DMD: variants seen among roughly 807,000 people sequenced by gnomAD.
DMD encodes the protein dystrophin.
A neutral mutation model predicts 330.1 loss-of-function variants in DMD; 63 were observed. The ratio of observed to expected loss-of-function variants is 0.19; its 90% CI spans 0.16 to 0.24. The LOEUF is 0.24. DMD is among the 10% of genes least tolerant of loss of function. The pLI, the probability that DMD is intolerant of heterozygous loss-of-function variation, is 1.00. For synonymous variants in DMD, 1,223 were observed against 959.8 expected (o/e 1.27, Z -5.07); for missense variants, 3,344 against 2,684.1 (o/e 1.25, Z -5.43).
rs1261363340 is a variant in DMD, at chrX:32,723,607, G to C, written c.650-24314C>G. Among the ~76,000 whole-genome samples the C allele has an allele frequency of 7.2e-5, 8 of 111,388 alleles. No homozygotes were observed. The Admixed American group carries it at 7.7e-4, about 11-fold the overall frequency. ...ATAACTGCTTAGTATGATGACTACA[G>C]TTAATGGCATTGTATTGTACACTGA... is the stretch of plus-strand genomic sequence containing the variant. On this transcript the variant is annotated intron_variant, in intron 7 of 78. Coordinates refer to ENST00000357033, the MANE Select transcript of DMD (RefSeq NM_004006.3).
At chrX:33,226,892 T>C (rs1216212966) in intron 1 of DMD, among the ~76,000 whole-genome samples, 2 of 109,816 alleles carry the variant, frequency 1.8e-5, no homozygotes, top group African/African-American at 3.3e-5. Flanking sequence ...CAAATAAATA[T>C]AAGATAAAAC....
At chrX:31,551,380 G>A (rs2074478124) in intron 55 of DMD, among the ~76,000 whole-genome samples, 1 of 109,968 alleles carries the variant, frequency 9.1e-6, no homozygotes. Flanking sequence ...CTGTCACTTT[G>A]GGCTTGGTCC....
chrX:32,227,660 T>C (rs2097153544), intron 43 of DMD, among the ~76,000 whole-genome samples: 1 of 110,138 alleles, frequency 9.1e-6, no homozygotes. Context: ...TTCGCCACTC[T>C]GCAATATATC....
chrX:32,900,784 G>T (rs921879088), intron 2 of DMD, among the ~76,000 whole-genome samples: 1 of 111,555 alleles, frequency 9.0e-6, no homozygotes, highest in Non-Finnish European at 1.9e-5. Context: ...TTTAAATGAA[G>T]ATCACATTGG....
intron 34 of DMD, among the ~76,000 whole-genome samples, chrX:32,375,867 G>A (rs192516500): frequency 2.0e-4 from 22 of 111,431 alleles, no homozygotes; most frequent in Non-Finnish European, 3.8e-4. Flanking sequence ...CTCTTTCATC[G>A]TTTTAGGCAA....
intron 29 of DMD, among the ~76,000 whole-genome samples, chrX:32,424,839 G>C (rs185448257): frequency 9.1e-6 from 1 of 110,097 alleles, no homozygotes; most frequent in Non-Finnish European, 1.9e-5. Context: ...ACATACTGGC[G>C]GTAACCAGAT....
In DMD at chrX:33,026,802, C is replaced by T. The variant is rs370188024; in HGVS notation, c.32-6602G>A. Among the ~76,000 whole-genome samples, 10 of 111,962 alleles carry T rather than the reference C, an allele frequency of 8.9e-5. No homozygotes were observed. In the East Asian group the frequency reaches 1.7e-3, roughly 19 times the overall value. ...CGCTTTACAGTCAATGTAATGCAGT[C>T]TTCACTGCTCATCATCCTACAAAAG... On this transcript the variant is annotated intron_variant, in intron 1 of 78. Transcript: ENST00000357033.
intron 63 of DMD, among the ~76,000 whole-genome samples, chrX:31,234,758 C>T (rs918414782): frequency 3.6e-5 from 4 of 111,532 alleles, no homozygotes; most frequent in Admixed American, 9.5e-5. Flanking sequence ...CAGAGATGGA[C>T]GGTAAAGTGG....
intron 60 of DMD, among the ~76,000 whole-genome samples, chrX:31,397,272 G>A (rs2060987089): frequency 8.9e-6 from 1 of 112,008 alleles, no homozygotes; most frequent in African/African-American, 3.2e-5. Flanking sequence ...CATCTCAGTA[G>A]ACAAATCCAA....
chrX:32,052,577 T>C (rs760079813), intron 44 of DMD, among the ~76,000 whole-genome samples: 1 of 111,545 alleles, frequency 9.0e-6, no homozygotes, highest in South Asian at 3.8e-4. Context: ...TGGTACTATA[T>C]GAAAACGTGG....
At chrX:32,419,021 ATTGT>A (rs1243387887) in intron 29 of DMD, among the ~76,000 whole-genome samples, 1 of 106,530 alleles carries the variant, frequency 9.4e-6, no homozygotes, top group Non-Finnish European at 1.9e-5. Flanking sequence ...TGAAGCACAC[ATTGT>A]ATTGTACACT....
rs1157056289 is a variant in DMD at position 31,536,761 on chromosome X, T to TA, written c.8218-29309dup. 4.5e-5 allele frequency among the ~76,000 whole-genome samples: 5 copies of TA among 111,962 alleles called. No individual in the cohort carries two copies. In the Admixed American group the frequency reaches 4.8e-4, roughly 11 times the overall value. ...GTAATAGAAGCTGTACTTTCCTTCCTATCTGAAGCTAATTTCTAAATTTCA... is the reference window on the plus strand; with the variant it reads ...GTAATAGAAGCTGTACTTTCCTTCCTAATCTGAAGCTAATTTCTAAATTTCA... On this transcript the variant is annotated intron_variant, in intron 55 of 78. Transcript: ENST00000357033.
chrX:33,166,630 G>A (rs763279363), intron 1 of DMD, among the ~76,000 whole-genome samples: 1 of 110,792 alleles, frequency 9.0e-6, no homozygotes. Context: ...CCTGATTTAT[G>A]CATTTATGTC....
intron 1 of DMD, among the ~76,000 whole-genome samples, chrX:33,033,696 C>G (rs1419150964): frequency 9.2e-6 from 1 of 108,979 alleles, no homozygotes; most frequent in Non-Finnish European, 1.9e-5. Flanking sequence ...CCAGCCTGGG[C>G]GACAGAGCGA....
At chrX:32,683,403 A>G (rs1361910864) in intron 9 of DMD, among the ~76,000 whole-genome samples, 1 of 109,931 alleles carries the variant, frequency 9.1e-6, no homozygotes, top group South Asian at 4.0e-4. Context: ...CAAATGTCCA[A>G]CAATGATAGA....
intron 62 of DMD, among the ~76,000 whole-genome samples, chrX:31,302,439 T>G (rs1179454078): frequency 8.9e-6 from 1 of 111,761 alleles, no homozygotes; most frequent in Non-Finnish European, 1.9e-5. Flanking sequence ...TAGATTTGAT[T>G]CACTCTTATA....
intron 43 of DMD, among the ~76,000 whole-genome samples, chrX:32,272,465 T>G (rs1295131727): frequency 8.9e-6 from 1 of 112,407 alleles, no homozygotes; most frequent in Non-Finnish European, 1.9e-5. Context: ...TATATGAGAC[T>G]TTAAAAAGTC....
intron 21 of DMD, among the ~76,000 whole-genome samples, chrX:32,481,024 G>A (rs1387385083): frequency 9.1e-6 from 1 of 110,307 alleles, no homozygotes; most frequent in African/African-American, 3.3e-5. Flanking sequence ...TTCCTGAACT[G>A]CAGCTAGAAG....
rs6151283 is a variant in DMD at position 32,831,649 on chromosome X, CGTGTGTGTGTGTGTGTGTGTGTGT to C, written c.265-8286_265-8263del. On this transcript the variant is annotated intron_variant, in intron 4 of 78. Transcript: ENST00000357033. ...GAGTTACATTCCTGTAAGATATTTA[CGTGTGTGTGTGTGTGTGTGTGTGT>C]GTGTGTGTGTGTGTGTGTGTGTGTG... 8.5e-4 allele frequency among the ~76,000 whole-genome samples: 76 copies of C among 89,764 alleles called. 3 individuals carry two copies. The highest frequency in any genetic ancestry group is 0.012 in the Middle Eastern group (2 of 166). The allele number at this position is 89,764 out of a possible 115,157, so 77.9% of individuals were successfully genotyped here. A position where few individuals can be genotyped will look rare whatever the true frequency, so the allele number is the denominator to read the frequency against.
Sources: gnomAD v4.1 joint callset for allele counts (sites outside exome capture counted in the v4.1 genomes callset) on GRCh38, gnomAD v4.1.1 for gene constraint, MANE v1.5 for transcripts, NCBI Gene and HGNC (gene_info 2026-07-23, HGNC 2026-07-21) for gene names.